The following RRN3 variants were observed in gnomAD, a reference collection of about 807,000 sequenced individuals.
RRN3 encodes RNA polymerase I transcription factor RRN3.
In RRN3, 38 loss-of-function variants were observed where a neutral mutation model predicts 82.3. That is an observed-to-expected ratio of 0.46 (90% CI 0.36 to 0.61). RRN3 has a LOEUF of 0.61. Ranked by LOEUF, RRN3 falls within the 20% of genes least tolerant of loss-of-function variation. The pLI is 0.00. For synonymous variants in RRN3, 284 were observed against 284.3 expected (o/e 1.00, Z 0.01); for missense variants, 726 against 793.1 (o/e 0.92, Z 1.02).
chr16:15,088,481 G>A (rs893302980), intron 3 of RRN3, among the ~76,000 whole-genome samples: 6 of 152,030 alleles, frequency 3.9e-5, no homozygotes, highest in Admixed American at 3.9e-4. Context: ...ATGGAAAAAA[G>A]TTCTACTTGC....
At chr16:15,077,655 C>G (rs113861147) in intron 9 of RRN3, among the ~76,000 whole-genome samples, 7,268 of 152,230 alleles carry the variant, frequency 0.048, 261 homozygotes, top group African/African-American at 0.093. Context: ...TCCTGGCTAA[C>G]ACGGTGAAAC....
At chr16:15,066,395 G>A (rs1398087228) in intron 15 of RRN3, among the ~76,000 whole-genome samples, 1 of 152,164 alleles carries the variant, frequency 6.6e-6, no homozygotes, top group Admixed American at 6.5e-5. Flanking sequence ...CACTTTGGGA[G>A]GTTGAGGCAG....
intron 16 of RRN3, among the ~76,000 whole-genome samples, chr16:15,063,950 A>G (rs1448699152): frequency 6.6e-6 from 1 of 152,110 alleles, no homozygotes; most frequent in Non-Finnish European, 1.5e-5. Flanking sequence ...TCTCTTTTTT[A>G]TATTTCTGTA....
rs1254144580 is a variant in RRN3 at position 15,061,687 on chromosome 16, G to A, written c.*57C>T. On this transcript the variant is annotated 3_prime_UTR_variant, in exon 18 of 18. Transcript: ENST00000198767. ...CCAATGGCACAAGCTGGGTGCTGAG[G>A]GCATGACAAGTGATGGGGAATCCCA... The A allele has an allele frequency of 3.2e-6, 5 of 1,539,650 alleles. No individual in the cohort carries two copies.
intron 9 of RRN3, among the ~76,000 whole-genome samples, chr16:15,077,330 G>C (rs930594912): frequency 2.0e-5 from 3 of 152,118 alleles, no homozygotes; most frequent in East Asian, 1.9e-4. Context: ...ATGTTGCTGG[G>C]GGGGGACTGG....
Position 15,079,273 on chromosome 16 carries a change from CCTTT to C in RRN3, c.765+721_765+724del, listed in dbSNP as rs2045598636. On this transcript the variant is annotated intron_variant, in intron 9 of 17. Transcript: ENST00000198767. ...ACAATGTCACTAGAATCTACTACTT[CCTTT>C]CATTCCCACTGCACCTTAGTGCGGG... is the stretch of plus-strand genomic sequence containing the variant. 2.0e-5 allele frequency among the ~76,000 whole-genome samples: 3 copies of C among 152,208 alleles called. No homozygotes were observed. In the South Asian group the frequency reaches 6.2e-4, roughly 31 times the overall value.
At position 15,074,879 on chromosome 16, in the gene RRN3, A is replaced by G; in HGVS notation, c.859-18T>C. ...TCTTCATCCTTTGAAGACAAAAAGT[A>G]AATACTAACATTAAAAAATTCAATG... is the stretch of plus-strand genomic sequence containing the variant. On this transcript the variant is annotated intron_variant, in intron 10 of 17. Coordinates refer to ENST00000198767, the MANE Select transcript of RRN3 (RefSeq NM_018427.5). The G allele has an allele frequency of 6.3e-7, 1 of 1,593,760 alleles. No individual in the cohort carries two copies. The highest frequency in any genetic ancestry group is 1.1e-5 in the South Asian group (1 of 88,212).
chr16:15,072,889 G>A lies in RRN3; in HGVS notation c.1128+61C>T, dbSNP rs2045296684. Reference sequence around the variant, plus strand: ...TGGTCTCCGTCCACCCCAGTTTTTAGGGAAAATTTTTGGGCAAAAACAAAG... The same window carrying A: ...TGGTCTCCGTCCACCCCAGTTTTTAAGGAAAATTTTTGGGCAAAAACAAAG... On this transcript the variant is annotated intron_variant, in intron 12 of 17. Coordinates refer to ENST00000198767, the MANE Select transcript of RRN3 (RefSeq NM_018427.5). 1.9e-6 allele frequency: 3 copies of A among 1,576,198 alleles called. No homozygotes were observed. The Admixed American group carries it at 5.4e-5, about 28-fold the overall frequency.
At chr16:15,081,539 T>C (rs1015086811) in intron 8 of RRN3, among the ~76,000 whole-genome samples, 1 of 152,218 alleles carries the variant, frequency 6.6e-6, no homozygotes, top group African/African-American at 2.4e-5. Flanking sequence ...TATTTGCCCT[T>C]TTATTATTCA....
At chr16:15,088,736 C>T (rs923624642) in intron 3 of RRN3, among the ~76,000 whole-genome samples, 10 of 152,202 alleles carry the variant, frequency 6.6e-5, no homozygotes, top group Admixed American at 3.3e-4. Flanking sequence ...AACTGAAAAA[C>T]GTTCAGTATG....
At chr16:15,091,544 G>A (rs967141011) in intron 2 of RRN3, among the ~76,000 whole-genome samples, 173 bp from the exon 3 acceptor site, 1 of 151,512 alleles carries the variant, frequency 6.6e-6, no homozygotes, top group African/African-American at 2.4e-5. Context: ...ACTCATGTTA[G>A]TGCAGCCAGA....
intron 12 of RRN3, among the ~76,000 whole-genome samples, chr16:15,072,289 A>G (rs182132151): frequency 1.3e-5 from 2 of 152,236 alleles, no homozygotes; most frequent in Admixed American, 1.3e-4. Flanking sequence ...GACAAAGCCT[A>G]AAGTTTTTAA....
chr16:15,064,907 C>T (rs988847527), intron 16 of RRN3, among the ~76,000 whole-genome samples: 9 of 152,224 alleles, frequency 5.9e-5, no homozygotes, highest in African/African-American at 2.2e-4. Context: ...TGGCTCACGC[C>T]TGTAATCCCA....
At chr16:15,069,677 T>C (rs941344948) in intron 14 of RRN3, among the ~76,000 whole-genome samples, 3 of 152,198 alleles carry the variant, frequency 2.0e-5, no homozygotes, top group African/African-American at 7.2e-5. Context: ...TTTAGTGCTG[T>C]CTGTAAAGGG....
chr16:15,094,030 C>T (rs956427006), intron 1 of RRN3, 115 bp downstream of exon 1: 40 of 896,378 alleles, frequency 4.5e-5, no homozygotes, highest in Non-Finnish European at 6.5e-5. Context: ...GACCCTCCAC[C>T]CCGTGCTCCT....
intron 9 of RRN3, among the ~76,000 whole-genome samples, chr16:15,077,591 G>T (rs35512524): frequency 6.6e-6 from 1 of 152,038 alleles, no homozygotes; most frequent in Non-Finnish European, 1.5e-5. Context: ...CCTGTAATCC[G>T]AGCTCTTTGG....
rs138391775 is a variant in RRN3 at position 15,094,183 on chromosome 16, C to G, written c.51G>C (p.Ser17=). Residue 17 remains serine (S), a synonymous_variant, in exon 1 of 18, where the codon TCG becomes TCC. Transcript: ENST00000198767. ...HTRLPGDAAA[S]SSAVKKLGAS... is the part of the protein sequence containing the mutation. ...CGCCCAGCTTCTTAACTGCAGAGGA[C>G]GAAGCGGCCGCATCTCCCGGCAAAC... 1.1e-5 allele frequency: 17 copies of G among 1,601,758 alleles called. No homozygotes were observed. The highest frequency in any genetic ancestry group is 8.0e-5 in the African/African-American group (6 of 74,832).
intron 16 of RRN3, among the ~76,000 whole-genome samples, chr16:15,063,517 G>T (rs540993642): frequency 6.6e-6 from 1 of 151,920 alleles, no homozygotes; most frequent in African/African-American, 2.4e-5. Flanking sequence ...GACCATCCTG[G>T]CTAACACGGT....
At chr16:15,094,280 T>A (rs1435516390), upstream of RRN3, 1 of 1,434,590 alleles carries the variant, frequency 7.0e-7, no homozygotes, top group Non-Finnish European at 9.6e-7. Context: ...GATGCCCAGC[T>A]CCTTCCAGCC....
Sources: gnomAD v4.1 joint callset for allele counts (sites outside exome capture counted in the v4.1 genomes callset) on GRCh38, gnomAD v4.1.1 for gene constraint, MANE v1.5 for transcripts, NCBI Gene and HGNC (gene_info 2026-07-23, HGNC 2026-07-21) for gene names.